SLC35F3: variants seen among roughly 807,000 people sequenced by gnomAD.
SLC35F3 encodes the protein solute carrier family 35 member F3, also known as putative thiamine transporter SLC35F3.
Under a neutral mutation model 49.9 loss-of-function variants are expected in SLC35F3, and 25 were observed. That is an observed-to-expected ratio of 0.50 (90% CI 0.37 to 0.70). The LOEUF (loss-of-function observed/expected upper bound fraction) is 0.70. Among genes scored for constraint, SLC35F3 ranks in the 30% least tolerant of loss-of-function variants. SLC35F3 has a pLI of 0.00. For missense variants in SLC35F3, 525 were observed against 639.8 expected (o/e 0.82, Z 1.94); for synonymous variants, 275 against 265.4 (o/e 1.04, Z -0.35).
chr1:233,915,833 G>A (rs1266182697), intron 2 of SLC35F3, among the ~76,000 whole-genome samples: 6 of 152,120 alleles, frequency 3.9e-5, no homozygotes, highest in African/African-American at 1.4e-4. Flanking sequence ...GATCTCATGA[G>A]ACTTATTCAC....
At chr1:234,037,996 G>A (rs1464989871) in intron 2 of SLC35F3, among the ~76,000 whole-genome samples, 1 of 144,530 alleles carries the variant, frequency 6.9e-6, no homozygotes. Context: ...AAGTTTTAGG[G>A]TACATGTGCA....
At chr1:234,259,047 A>C (rs1296575325) in intron 3 of SLC35F3, among the ~76,000 whole-genome samples, 1 of 152,188 alleles carries the variant, frequency 6.6e-6, no homozygotes, top group Non-Finnish European at 1.5e-5. Flanking sequence ...ACTTCTTATG[A>C]AGAATGGTTG....
At chr1:234,079,300 A>T (rs1378715571) in intron 2 of SLC35F3, among the ~76,000 whole-genome samples, 1 of 152,168 alleles carries the variant, frequency 6.6e-6, no homozygotes. Flanking sequence ...GTCTAACTTC[A>T]TTATTTTGAA....
chr1:233,941,721 A>G (rs1426678317), intron 2 of SLC35F3, among the ~76,000 whole-genome samples: 1 of 152,082 alleles, frequency 6.6e-6, no homozygotes, highest in African/African-American at 2.4e-5. Flanking sequence ...TATTGCACCA[A>G]AAAAATAGTT....
chr1:233,925,611 T>G (rs1662144300), intron 2 of SLC35F3, among the ~76,000 whole-genome samples: 1 of 152,222 alleles, frequency 6.6e-6, no homozygotes, highest in South Asian at 2.1e-4. Context: ...GTCTTTTAAT[T>G]GGAGCATTTA....
At chr1:234,114,143 C>G (rs1217850222) in intron 2 of SLC35F3, among the ~76,000 whole-genome samples, 1 of 152,188 alleles carries the variant, frequency 6.6e-6, no homozygotes, top group Non-Finnish European at 1.5e-5. Flanking sequence ...GTCTTATGAG[C>G]CAGTATGAGT....
intron 3 of SLC35F3, among the ~76,000 whole-genome samples, chr1:234,237,900 C>G (rs1048690926): frequency 6.6e-6 from 1 of 152,106 alleles, no homozygotes; most frequent in African/African-American, 2.4e-5. Context: ...GATGAGGTTT[C>G]GCCATGTTGC....
At chr1:234,136,088 A>T (rs1438236266) in intron 2 of SLC35F3, among the ~76,000 whole-genome samples, 3 of 152,188 alleles carry the variant, frequency 2.0e-5, no homozygotes, top group East Asian at 1.9e-4. Context: ...GTTTTCAGAG[A>T]TGTTTACAGG....
chr1:234,188,923 T>C (rs751047117), intron 2 of SLC35F3, among the ~76,000 whole-genome samples: 1 of 152,220 alleles, frequency 6.6e-6, no homozygotes. Flanking sequence ...TGGTAGCCCA[T>C]CTGGGTGGCT....
At chr1:233,919,934 G>A (rs944824298) in intron 2 of SLC35F3, among the ~76,000 whole-genome samples, 4 of 152,118 alleles carry the variant, frequency 2.6e-5, no homozygotes, top group African/African-American at 7.2e-5. Flanking sequence ...TCTGTACTCC[G>A]GCCTCAGACC....
chr1:234,128,874 G>A (rs113101115), intron 2 of SLC35F3, among the ~76,000 whole-genome samples: 2 of 152,168 alleles, frequency 1.3e-5, no homozygotes, highest in Admixed American at 6.5e-5. Flanking sequence ...TTCGTAACTT[G>A]GGGGCCAGGT....
At chr1:234,064,113 G>T (rs1021655186) in intron 2 of SLC35F3, among the ~76,000 whole-genome samples, 10 of 152,194 alleles carry the variant, frequency 6.6e-5, no homozygotes, top group African/African-American at 2.4e-4. Context: ...ATTTTTTGGT[G>T]GGGGGGACTG....
At chr1:234,298,141 T>G (rs901968379) in intron 3 of SLC35F3, among the ~76,000 whole-genome samples, 4 of 152,140 alleles carry the variant, frequency 2.6e-5, no homozygotes, top group Admixed American at 1.3e-4. Flanking sequence ...TAAAGACAGG[T>G]TTTTTTTGAG....
chr1:234,222,107 T>G (rs910358300), intron 2 of SLC35F3, among the ~76,000 whole-genome samples: 6 of 152,176 alleles, frequency 3.9e-5, no homozygotes, highest in African/African-American at 1.4e-4. Context: ...ACTAGCTACA[T>G]GAGTACAACT....
intron 3 of SLC35F3, among the ~76,000 whole-genome samples, chr1:234,270,449 G>A (rs1668080106): frequency 6.6e-6 from 1 of 152,152 alleles, no homozygotes; most frequent in African/African-American, 2.4e-5. Flanking sequence ...ACATATTGAG[G>A]GGTATGTGGT....
chr1:234,121,238 T>G (rs10910345), intron 2 of SLC35F3, among the ~76,000 whole-genome samples: 52,434 of 150,452 alleles, frequency 0.35, 10,413 homozygotes, highest in East Asian at 0.82. Flanking sequence ...CCGGGTTCAT[T>G]CCATTCTCCT....
chr1:234,273,920 A>G (rs945459757), intron 3 of SLC35F3, among the ~76,000 whole-genome samples: 14 of 152,230 alleles, frequency 9.2e-5, no homozygotes, highest in African/African-American at 2.6e-4. Context: ...TGGACCGCAT[A>G]CTCATTACAT....
chr1:233,919,096 A>G (rs1433687063), intron 2 of SLC35F3, among the ~76,000 whole-genome samples: 1 of 152,180 alleles, frequency 6.6e-6, no homozygotes, highest in Non-Finnish European at 1.5e-5. Flanking sequence ...AACATTTTCA[A>G]AATAAAAAAT....
At chr1:234,241,256 G>A (rs116686610) in intron 3 of SLC35F3, among the ~76,000 whole-genome samples, 2 of 152,056 alleles carry the variant, frequency 1.3e-5, no homozygotes, top group African/African-American at 2.4e-5. Flanking sequence ...CGGCACAGGG[G>A]TACATACAAG....
Sources: gnomAD v4.1 joint callset for allele counts (sites outside exome capture counted in the v4.1 genomes callset) on GRCh38, gnomAD v4.1.1 for gene constraint, MANE v1.5 for transcripts, NCBI Gene and HGNC (gene_info 2026-07-23, HGNC 2026-07-21) for gene names.